The following DIAPH2 variants were observed in gnomAD, a reference collection of about 807,000 sequenced individuals.
The protein encoded by DIAPH2 is diaphanous related formin 2.
Under a neutral mutation model 92.7 loss-of-function variants are expected in DIAPH2, and 35 were observed. That is an observed-to-expected ratio of 0.38 (90% CI 0.29 to 0.50). DIAPH2 has a LOEUF of 0.50. Ranked by LOEUF, DIAPH2 falls within the 20% of genes least tolerant of loss-of-function variation. The pLI, the probability that DIAPH2 is intolerant of heterozygous loss-of-function variation, is 0.94. For synonymous variants in DIAPH2, 301 were observed against 280.4 expected (o/e 1.07, Z -0.73); for missense variants, 701 against 819.5 (o/e 0.86, Z 1.77).
At chrX:96,830,558 G>A (rs1169645525) in intron 4 of DIAPH2, among the ~76,000 whole-genome samples, 5 of 71,226 alleles carry the variant, frequency 7.0e-5, no homozygotes, top group Admixed American at 4.9e-4. Flanking sequence ...GCGACAGAGC[G>A]AGACTCAGTC....
chrX:96,780,347 G>A (rs233677), intron 4 of DIAPH2, among the ~76,000 whole-genome samples: 46,450 of 111,115 alleles, frequency 0.42, 8,221 homozygotes, highest in African/African-American at 0.7. Context: ...TGATCTTACA[G>A]AAAATGTCCA....
chrX:96,814,576 G>A (rs1315276882), intron 4 of DIAPH2, among the ~76,000 whole-genome samples: 1 of 112,123 alleles, frequency 8.9e-6, no homozygotes, highest in Non-Finnish European at 1.9e-5. Context: ...TTGCTGTCTA[G>A]GAGCTGCAAT....
intron 17 of DIAPH2, among the ~76,000 whole-genome samples, chrX:97,045,533 T>C (rs2066475945): frequency 9.0e-6 from 1 of 111,562 alleles, no homozygotes; most frequent in African/African-American, 3.3e-5. Flanking sequence ...GAAGCCCTGA[T>C]GCATTCTATC....
intron 22 of DIAPH2, among the ~76,000 whole-genome samples, chrX:97,243,212 C>G (rs1026802305): frequency 3.6e-5 from 4 of 110,098 alleles, no homozygotes; most frequent in Non-Finnish European, 7.6e-5. Context: ...CGGAGACAAC[C>G]TGAGACACTA....
intron 4 of DIAPH2, among the ~76,000 whole-genome samples, chrX:96,802,849 G>A (rs368160710): frequency 1.4e-3 from 162 of 111,795 alleles, no homozygotes; most frequent in African/African-American, 4.9e-3. Flanking sequence ...CTGACAGTGC[G>A]GCCTTCAGTC....
intron 23 of DIAPH2, among the ~76,000 whole-genome samples, chrX:97,293,113 C>G (rs931839482): frequency 3.6e-5 from 4 of 110,897 alleles, no homozygotes; most frequent in African/African-American, 1.3e-4. Context: ...CAAATCTACT[C>G]TTAGAGATTT....
intron 25 of DIAPH2, among the ~76,000 whole-genome samples, chrX:97,419,078 T>C (rs933237512): frequency 9.0e-5 from 10 of 110,822 alleles, no homozygotes; most frequent in Non-Finnish European, 7.6e-5. Flanking sequence ...TCCACACATA[T>C]CTGTACCTAG....
At chrX:97,567,175 C>G (rs2071333322) in intron 26 of DIAPH2, among the ~76,000 whole-genome samples, 1 of 111,580 alleles carries the variant, frequency 9.0e-6, no homozygotes, top group South Asian at 3.8e-4. Context: ...GTTGTACTTC[C>G]CTTCTTTATC....
At chrX:97,054,868 GA>G (rs1018496294) in intron 17 of DIAPH2, among the ~76,000 whole-genome samples, 1 of 110,487 alleles carries the variant, frequency 9.1e-6, no homozygotes. Flanking sequence ...TAAAGGGGAG[GA>G]AAAAAATGCA....
intron 23 of DIAPH2, among the ~76,000 whole-genome samples, chrX:97,317,654 C>T (rs2068851217): frequency 9.0e-6 from 1 of 111,577 alleles, no homozygotes; most frequent in African/African-American, 3.3e-5. Flanking sequence ...AGAAATTAAT[C>T]GAATTGTGGA....
chrX:97,494,878 T>C (rs1478626090), intron 26 of DIAPH2, among the ~76,000 whole-genome samples: 1 of 112,611 alleles, frequency 8.9e-6, no homozygotes, highest in Non-Finnish European at 1.9e-5. Context: ...GGAAGAAGCA[T>C]CAGGCTCTGT....
intron 20 of DIAPH2, among the ~76,000 whole-genome samples, chrX:97,113,385 A>T (rs1157678812): frequency 8.9e-6 from 1 of 111,846 alleles, no homozygotes; most frequent in Non-Finnish European, 1.9e-5. Context: ...CCATGTGAGT[A>T]CTGAAGAAAT....
intron 1 of DIAPH2, among the ~76,000 whole-genome samples, chrX:96,696,731 C>T (rs1463556621): frequency 8.9e-6 from 1 of 111,809 alleles, no homozygotes; most frequent in Non-Finnish European, 1.9e-5. Flanking sequence ...TGCAAGCCTT[C>T]CCAGAGATGA....
chrX:97,403,819 C>A (rs2069781462), intron 25 of DIAPH2, among the ~76,000 whole-genome samples: 1 of 110,327 alleles, frequency 9.1e-6, no homozygotes, highest in Non-Finnish European at 1.9e-5. Context: ...TTCTAAATGT[C>A]CCAGGAAAAC....
At chrX:97,405,824 A>G (rs771851394) in intron 25 of DIAPH2, among the ~76,000 whole-genome samples, 21 of 111,804 alleles carry the variant, frequency 1.9e-4, no homozygotes, top group Non-Finnish European at 9.4e-5. Flanking sequence ...TATAATTCCC[A>G]AACAGAAAGG....
chrX:97,167,219 C>T (rs770644739), intron 22 of DIAPH2, among the ~76,000 whole-genome samples: 240 of 93,628 alleles, frequency 2.6e-3, no homozygotes, highest in Non-Finnish European at 4.9e-3. Context: ...TCCTCTAGGG[C>T]GCTATTCTGA....
chrX:97,192,252 C>T lies in DIAPH2; in HGVS notation c.2719+50458C>T, dbSNP rs762128535. ...GAGGTTTTGGTGAGCCAAGATTGTG[C>T]CACTGCACTCCAGCCTGGGCAAGAG... On this transcript the variant is annotated intron_variant, in intron 22 of 26. Coordinates refer to ENST00000324765, the MANE Select transcript of DIAPH2 (RefSeq NM_006729.5). Among the ~76,000 whole-genome samples, 14 of 99,505 alleles carry T rather than the reference C, an allele frequency of 1.4e-4. No individual in the cohort carries two copies. In the East Asian group the frequency reaches 4.3e-3, roughly 31 times the overall value. 86.4% of individuals were successfully genotyped at this position (99,505 alleles called of 115,157 possible).
At chrX:96,804,446 A>G (rs978075043) in intron 4 of DIAPH2, among the ~76,000 whole-genome samples, 1 of 112,245 alleles carries the variant, frequency 8.9e-6, no homozygotes, top group Non-Finnish European at 1.9e-5. Flanking sequence ...GAAGTGTTTT[A>G]TTAAGCATTG....
In DIAPH2 at chrX:97,463,513, C is replaced by T. The variant is rs770943295; in HGVS notation, c.3241+33768C>T. On this transcript the variant is annotated intron_variant, in intron 26 of 26. Transcript: ENST00000324765. ...TCAAGCGATTCTCCTGCCTCAGCCC[C>T]CCAAGTAGCTGGGACTATAGGCACA... Among the ~76,000 whole-genome samples the T allele has an allele frequency of 6.4e-5, 7 of 109,851 alleles. No homozygotes were observed. The South Asian group carries it at 2.0e-3, about 32-fold the overall frequency.
Sources: gnomAD v4.1 joint callset for allele counts (sites outside exome capture counted in the v4.1 genomes callset) on GRCh38, gnomAD v4.1.1 for gene constraint, MANE v1.5 for transcripts, NCBI Gene and HGNC (gene_info 2026-07-23, HGNC 2026-07-21) for gene names.